Variants in PCDHA10 observed in about 807,000 individuals in gnomAD.
PCDHA10 encodes protocadherin alpha 10, also known as protocadherin alpha-10.
Under a neutral mutation model 61.2 loss-of-function variants are expected in PCDHA10, and 45 were observed. The observed-to-expected ratio is 0.74, with a 90% confidence interval of 0.58 to 0.94. The LOEUF (loss-of-function observed/expected upper bound fraction) is 0.94, where lower values mean the gene tolerates loss of function less well. PCDHA10 is among the 40% of genes least tolerant of loss of function. The pLI is 0.00. For missense variants in PCDHA10, 1,278 were observed against 1,236.2 expected (o/e 1.03, Z -0.51); for synonymous variants, 602 against 548.8 (o/e 1.10, Z -1.35).
At chr5:140,883,030 C>T (rs1554176556) in intron 1 of PCDHA10, 1 of 1,614,058 alleles carries the variant, frequency 6.2e-7, no homozygotes, top group Non-Finnish European at 8.5e-7. Context: ...TGTTAGAGAA[C>T]GCCTTCAATG....
intron 1 of PCDHA10, chr5:140,870,643 G>C (rs782549928): frequency 6.2e-7 from 1 of 1,612,678 alleles, no homozygotes; most frequent in African/African-American, 1.3e-5. Flanking sequence ...CGCGGAGAGC[G>C]GCAAGGTGTA....
chr5:140,960,402 G>C (rs2095546836), intron 1 of PCDHA10, among the ~76,000 whole-genome samples: 1 of 152,026 alleles, frequency 6.6e-6, no homozygotes, highest in African/African-American at 2.4e-5. Flanking sequence ...GCAAGGGGGG[G>C]TGCCCAAAAA....
At chr5:140,882,262 G>GTGTA (rs781901698) in intron 1 of PCDHA10, 2 of 1,605,126 alleles carry the variant, frequency 1.2e-6, no homozygotes, top group Non-Finnish European at 1.7e-6. Context: ...GGTTTTTGGA[G>GTGTA]TGTACCATGC....
intron 3 of PCDHA10, among the ~76,000 whole-genome samples, chr5:140,999,225 G>C (rs543011633): frequency 1.3e-5 from 2 of 152,222 alleles, no homozygotes; most frequent in Non-Finnish European, 2.9e-5. Context: ...CTACATTTGA[G>C]AATAGGTGGT....
At position 140,857,211 on chromosome 5, in the gene PCDHA10, T is replaced by C; in HGVS notation, c.1163T>C (p.Leu388Pro). 5 of 1,598,632 alleles carry C rather than the reference T, an allele frequency of 3.1e-6. 1 individual carries two copies. Among genetic ancestry groups the C allele is most frequent in the Non-Finnish European group, 4.3e-6 (5 of 1,167,976 alleles). Residue 388 changes from leucine (L) to proline (P), a missense_variant, in exon 1 of 4, where the codon CTG becomes CCG. Leu to Pro is a moderately conservative substitution (Grantham distance 98). Coordinates refer to ENST00000307360, the MANE Select transcript of PCDHA10 (RefSeq NM_018901.4). Reference protein sequence around the residue: ...SGANGQVTCSLTPHVPFKLVS... With the variant: ...SGANGQVTCSPTPHVPFKLVS... ...GCCAACGGACAGGTCACCTGCTCTCTGACGCCTCACGTTCCGTTCAAGCTG... is the reference window on the plus strand; with the variant it reads ...GCCAACGGACAGGTCACCTGCTCTCCGACGCCTCACGTTCCGTTCAAGCTG...
At chr5:140,943,321 G>C (rs1012061757) in intron 1 of PCDHA10, among the ~76,000 whole-genome samples, 3 of 150,454 alleles carry the variant, frequency 2.0e-5, no homozygotes, top group Non-Finnish European at 4.4e-5. Flanking sequence ...TAGCAATATT[G>C]TGTAGTATCC....
In PCDHA10 at chr5:140,876,868, G is replaced by C. The variant is rs563777938; in HGVS notation, c.2388+18432G>C. On this transcript the variant is annotated intron_variant, in intron 1 of 3. Coordinates refer to ENST00000307360, the MANE Select transcript of PCDHA10 (RefSeq NM_018901.4). ...GCCCGAGTACACAGTGTTCGTGAAG[G>C]AGAACAACCCGCCGGGCTGCCACAT... is the stretch of plus-strand genomic sequence containing the variant. 6 of 1,614,160 alleles carry C rather than the reference G, an allele frequency of 3.7e-6. No homozygotes were observed. In the East Asian group the frequency reaches 1.3e-4, roughly 36 times the overall value.
chr5:140,895,170 T>C (rs2064890754), intron 1 of PCDHA10, among the ~76,000 whole-genome samples: 1 of 152,176 alleles, frequency 6.6e-6, no homozygotes, highest in Admixed American at 6.5e-5. Flanking sequence ...TCCAATCTAT[T>C]TGTAGTCCCT....
intron 1 of PCDHA10, chr5:140,928,607 G>T: frequency 1.2e-6 from 2 of 1,614,188 alleles, no homozygotes; most frequent in Non-Finnish European, 1.7e-6. Context: ...ATTGTGCCCC[G>T]CTCTGCCAGG....
intron 1 of PCDHA10, chr5:140,876,999 G>C: frequency 6.2e-7 from 1 of 1,612,546 alleles, no homozygotes; most frequent in Non-Finnish European, 8.5e-7. Flanking sequence ...GCTACGTGTC[G>C]GTGCACGCGG....
intron 3 of PCDHA10, among the ~76,000 whole-genome samples, chr5:140,983,739 G>T (rs983923811): frequency 5.3e-5 from 8 of 152,194 alleles, no homozygotes; most frequent in African/African-American, 1.9e-4. Context: ...TGGCTGGCTT[G>T]CAATAATCCA....
chr5:140,897,214 G>A (rs1355389573), intron 1 of PCDHA10, among the ~76,000 whole-genome samples: 1 of 151,764 alleles, frequency 6.6e-6, no homozygotes, highest in Non-Finnish European at 1.5e-5. Flanking sequence ...TTAAGTTTTA[G>A]GGTACATGTG....
At chr5:140,926,789 G>A in intron 1 of PCDHA10, 1 of 1,432,318 alleles carries the variant, frequency 7.0e-7, no homozygotes, top group East Asian at 2.5e-5. Flanking sequence ...CGGCCGGCAG[G>A]AGCGTGCTCT....
intron 1 of PCDHA10, among the ~76,000 whole-genome samples, chr5:140,939,305 C>A (rs1251046319): frequency 6.6e-6 from 1 of 152,114 alleles, no homozygotes; most frequent in Non-Finnish European, 1.5e-5. Context: ...TCTACAAAAG[C>A]CCTACCTCCT....
intron 1 of PCDHA10, among the ~76,000 whole-genome samples, chr5:140,935,795 C>T (rs1366379710): frequency 2.0e-5 from 3 of 151,764 alleles, no homozygotes; most frequent in Admixed American, 6.6e-5. Flanking sequence ...AAAATATAAA[C>T]GAGATTATTT....
At chr5:140,884,385 C>A (rs1554181508) in intron 1 of PCDHA10, 1 of 1,613,992 alleles carries the variant, frequency 6.2e-7, no homozygotes, top group Non-Finnish European at 8.5e-7. Context: ...GCCATCTGCG[C>A]GGTGTCCAGC....
chr5:140,997,324 T>C (rs1447294871), intron 3 of PCDHA10, among the ~76,000 whole-genome samples: 1 of 152,202 alleles, frequency 6.6e-6, no homozygotes, highest in Non-Finnish European at 1.5e-5. Context: ...TAGGCAGTTT[T>C]TTCGTTGTAC....
At chr5:140,901,474 T>C (rs2068694853) in intron 1 of PCDHA10, among the ~76,000 whole-genome samples, 1 of 152,216 alleles carries the variant, frequency 6.6e-6, no homozygotes, top group Admixed American at 6.5e-5. Context: ...CTCGAGTTTA[T>C]GTTCTTGGCA....
At chr5:140,883,662 A>G (rs371713279) in intron 1 of PCDHA10, 3 of 1,613,586 alleles carry the variant, frequency 1.9e-6, no homozygotes, top group Non-Finnish European at 2.5e-6. Context: ...GTGTTCGTGA[A>G]GGAAAACAAT....
Sources: allele counts gnomAD v4.1 joint callset (sites outside exome capture counted in the v4.1 genomes callset), GRCh38; gene constraint gnomAD v4.1.1; transcripts MANE v1.5; gene names NCBI Gene and HGNC (gene_info 2026-07-23, HGNC 2026-07-21).